The following MAML2 variants were observed in gnomAD, a reference collection of about 807,000 sequenced individuals.
MAML2 encodes the protein mastermind-like protein 2.
MAML2 carries 22 observed loss-of-function variants against 96.1 expected under a neutral mutation model. That is an observed-to-expected ratio of 0.23 (90% CI 0.16 to 0.33). MAML2 has a LOEUF of 0.33. MAML2 is among the 10% of genes least tolerant of loss of function. The probability of loss-of-function intolerance (pLI) is 1.00; values close to 1 mark genes in which losing one functional copy is unlikely to be tolerated. For synonymous variants in MAML2, 561 were observed against 521.3 expected, an observed-to-expected ratio of 1.08 and a Z score of -1.04; for missense variants, 1,367 against 1,392.4, an observed-to-expected ratio of 0.98 and a Z score of 0.29.
chr11:96,245,902 A>G (rs747295877), intron 1 of MAML2, among the ~76,000 whole-genome samples: 1 of 151,994 alleles, frequency 6.6e-6, no homozygotes, highest in Non-Finnish European at 1.5e-5. Context: ...ACGGGGTTTC[A>G]CCATGTTGGT....
chr11:96,192,758 GT>G (rs778595014), intron 1 of MAML2, among the ~76,000 whole-genome samples: 1 of 152,184 alleles, frequency 6.6e-6, no homozygotes, highest in African/African-American at 2.4e-5. Flanking sequence ...GGGCAGGCCG[GT>G]TATCTATACT....
chr11:96,211,458 A>T (rs1565250152), intron 1 of MAML2, among the ~76,000 whole-genome samples: 1 of 151,796 alleles, frequency 6.6e-6, no homozygotes, highest in African/African-American at 2.4e-5. Context: ...AAAAAAAAAA[A>T]AAAGAAAAGC....
At chr11:96,087,529 AC>A (rs1202307760) in intron 2 of MAML2, among the ~76,000 whole-genome samples, 1 of 152,244 alleles carries the variant, frequency 6.6e-6, no homozygotes, top group Non-Finnish European at 1.5e-5. Flanking sequence ...GTGAAGAGTC[AC>A]TTGCAGTGAT....
intron 1 of MAML2, among the ~76,000 whole-genome samples, chr11:96,331,740 C>T (rs1360031650): frequency 6.6e-6 from 1 of 151,420 alleles, no homozygotes; most frequent in Non-Finnish European, 1.5e-5. Flanking sequence ...ATCACGCGAA[C>T]CCAGGAGGCG....
At chr11:96,047,666 G>A (rs548337882) in intron 2 of MAML2, among the ~76,000 whole-genome samples, 21 of 152,018 alleles carry the variant, frequency 1.4e-4, no homozygotes, top group Admixed American at 2.6e-4. Context: ...ATCCCAGCAC[G>A]TTGAAAGGCC....
chr11:96,214,609 A>G (rs934842749), intron 1 of MAML2, among the ~76,000 whole-genome samples: 1 of 152,218 alleles, frequency 6.6e-6, no homozygotes, highest in Non-Finnish European at 1.5e-5. Flanking sequence ...AGAAAACTCC[A>G]GGAACTGATG....
chr11:96,237,919 A>G (rs1862386535), intron 1 of MAML2, among the ~76,000 whole-genome samples: 1 of 152,276 alleles, frequency 6.6e-6, no homozygotes, highest in Non-Finnish European at 1.5e-5. Flanking sequence ...AACTAGAAAC[A>G]TCAACTGAGC....
At chr11:96,286,357 A>G (rs1006100818) in intron 1 of MAML2, among the ~76,000 whole-genome samples, 1 of 152,186 alleles carries the variant, frequency 6.6e-6, no homozygotes, top group African/African-American at 2.4e-5. Context: ...ATCAGGAAGA[A>G]TAACTAATGG....
intron 1 of MAML2, among the ~76,000 whole-genome samples, chr11:96,210,767 TATCTC>T (rs1440693366): frequency 1.3e-5 from 2 of 152,206 alleles, no homozygotes; most frequent in African/African-American, 4.8e-5. Context: ...AATATTTTCT[TATCTC>T]TAAGCATAGT....
rs1445223279 is a variant in MAML2, at chr11:96,166,406, G to A, written c.514-72889C>T. ...GTGGTTATTTTCGTTAAGTTAAATA[G>A]TTTTCTTATTGTTTCCTTATTTTCT... is the stretch of plus-strand genomic sequence containing the variant. On this transcript the variant is annotated intron_variant, in intron 1 of 4. Transcript: ENST00000524717. Among the ~76,000 whole-genome samples, 11 of 152,288 alleles carry A rather than the reference G, an allele frequency of 7.2e-5. No individual in the cohort carries two copies. In the East Asian group the frequency reaches 2.1e-3, roughly 29 times the overall value.
rs59824019 is a variant in MAML2 at position 96,171,499 on chromosome 11, C to T, written c.514-77982G>A. Among the ~76,000 whole-genome samples the T allele has an allele frequency of 6.6e-3, 1,012 of 152,242 alleles. 10 individuals carry two copies. Among genetic ancestry groups the T allele is most frequent in the African/African-American group, 0.023 (970 of 41,526 alleles). Reference sequence around the variant, plus strand: ...TCCCAGGGCCCCAGTAAAATGCTTGCATGTGATTCGTGTTCAATAAATACA... The same window carrying T: ...TCCCAGGGCCCCAGTAAAATGCTTGTATGTGATTCGTGTTCAATAAATACA... On this transcript the variant is annotated intron_variant, in intron 1 of 4. Coordinates refer to ENST00000524717, the MANE Select transcript of MAML2 (RefSeq NM_032427.4).
intron 1 of MAML2, among the ~76,000 whole-genome samples, chr11:96,150,959 C>T (rs1486240621): frequency 6.6e-6 from 1 of 152,212 alleles, no homozygotes; most frequent in Non-Finnish European, 1.5e-5. Flanking sequence ...CTCCCTAGAC[C>T]TACCGAATCT....
Position 95,991,647 on chromosome 11 carries a change from C to A in MAML2, c.2216G>T (p.Ser739Ile). The A allele has an allele frequency of 6.2e-7, 1 of 1,613,812 alleles. No individual in the cohort carries two copies. Among genetic ancestry groups the A allele is most frequent in the Non-Finnish European group, 8.5e-7 (1 of 1,179,762 alleles). ...PNPCSNPNTG[S>I]GYMNSQQSLL... The stretch of plus-strand genomic sequence containing the variant: ...TGATTGCTGGGAGTTCATGTAACCA[C>A]TTCCAGTGTTTGGATTTGAGCAGGG... Residue 739 changes from serine to isoleucine, a missense_variant, in exon 3 of 5, where the codon AGT becomes ATT. Coordinates refer to ENST00000524717, the MANE Select transcript of MAML2 (RefSeq NM_032427.4).
intron 1 of MAML2, among the ~76,000 whole-genome samples, chr11:96,340,627 G>A (rs911199351): frequency 1.1e-4 from 16 of 152,168 alleles, no homozygotes; most frequent in African/African-American, 3.9e-4. Flanking sequence ...GTATTTCCTA[G>A]GATGATGATC....
At chr11:96,296,340 A>G (rs927648913) in intron 1 of MAML2, among the ~76,000 whole-genome samples, 2 of 152,000 alleles carry the variant, frequency 1.3e-5, no homozygotes, top group Admixed American at 1.3e-4. Context: ...GAAGTATAAA[A>G]CAAGAATAAA....
At chr11:96,163,207 T>G (rs1861141534) in intron 1 of MAML2, among the ~76,000 whole-genome samples, 1 of 152,120 alleles carries the variant, frequency 6.6e-6, no homozygotes, top group Non-Finnish European at 1.5e-5. Context: ...TTCCCTCCCT[T>G]CAAGAAAAAG....
chr11:96,332,233 G>T (rs1863864177), intron 1 of MAML2, among the ~76,000 whole-genome samples: 1 of 152,206 alleles, frequency 6.6e-6, no homozygotes, highest in African/African-American at 2.4e-5. Context: ...CAATTCCCAT[G>T]CAACACGCAC....
chr11:96,285,741 C>T (rs1863130112), intron 1 of MAML2, among the ~76,000 whole-genome samples: 1 of 152,148 alleles, frequency 6.6e-6, no homozygotes, highest in Non-Finnish European at 1.5e-5. Context: ...CATCACTGAT[C>T]ATTAGAGAAA....
At chr11:96,159,380 A>ACTAAC (rs2135886753) in intron 1 of MAML2, among the ~76,000 whole-genome samples, 2 of 142,000 alleles carry the variant, frequency 1.4e-5, no homozygotes, top group Non-Finnish European at 3.0e-5. Context: ...CAATTCAGTT[A>ACTAAC]CTAACCGTGC....
Sources: allele counts gnomAD v4.1 joint callset (sites outside exome capture counted in the v4.1 genomes callset), GRCh38; gene constraint gnomAD v4.1.1; transcripts MANE v1.5; gene names NCBI Gene and HGNC (gene_info 2026-07-23, HGNC 2026-07-21).